The following NCAM2 variants were observed in gnomAD, a reference collection of about 807,000 sequenced individuals.
The protein encoded by NCAM2 is neural cell adhesion molecule 2, also known as N-CAM-2.
Under a neutral mutation model 98.1 loss-of-function variants are expected in NCAM2, and 30 were observed. The observed-to-expected ratio is 0.31, with a 90% confidence interval of 0.23 to 0.41. NCAM2 has a LOEUF of 0.41. Among genes scored for constraint, NCAM2 ranks in the 10% least tolerant of loss-of-function variants. The pLI is 1.00. For missense variants in NCAM2, 867 were observed against 1,005.8 expected (o/e 0.86, Z 1.87); for synonymous variants, 368 against 342.4 (o/e 1.07, Z -0.83).
At chr21:21,138,072 C>T (rs1251627873) in intron 1 of NCAM2, among the ~76,000 whole-genome samples, 1 of 152,094 alleles carries the variant, frequency 6.6e-6, no homozygotes, top group East Asian at 1.9e-4. Flanking sequence ...GTCTTTTGTC[C>T]TACCTTTTGT....
chr21:21,416,969 G>A (rs148848450), intron 10 of NCAM2, among the ~76,000 whole-genome samples: 41 of 151,984 alleles, frequency 2.7e-4, no homozygotes, highest in African/African-American at 8.9e-4. Flanking sequence ...CATGATAAAA[G>A]GTTGCTTATT....
intron 7 of NCAM2, among the ~76,000 whole-genome samples, chr21:21,336,040 A>G (rs1477000149): frequency 6.6e-6 from 1 of 152,336 alleles, no homozygotes; most frequent in East Asian, 1.9e-4. Flanking sequence ...ATTTAAAAAC[A>G]TTGACATGTA....
intron 1 of NCAM2, among the ~76,000 whole-genome samples, chr21:21,177,038 A>G (rs1477643801): frequency 1.3e-5 from 2 of 152,156 alleles, no homozygotes; most frequent in Non-Finnish European, 2.9e-5. Flanking sequence ...TATTGGATCA[A>G]CTATACTTAA....
intron 5 of NCAM2, among the ~76,000 whole-genome samples, chr21:21,303,642 G>A (rs546164142): frequency 6.6e-6 from 1 of 151,996 alleles, no homozygotes; most frequent in Non-Finnish European, 1.5e-5. Context: ...GTAATGGCTG[G>A]ATCACATGCC....
intron 1 of NCAM2, among the ~76,000 whole-genome samples, chr21:21,111,410 A>G (rs1275569330): frequency 6.6e-6 from 1 of 152,184 alleles, no homozygotes; most frequent in African/African-American, 2.4e-5. Context: ...GGCAGAAGTG[A>G]TATCAGGCTA....
At chr21:21,059,040 A>T (rs2065270238) in intron 1 of NCAM2, among the ~76,000 whole-genome samples, 1 of 152,082 alleles carries the variant, frequency 6.6e-6, no homozygotes, top group African/African-American at 2.4e-5. Flanking sequence ...TATGAAATAG[A>T]CATTTTTCTT....
intron 1 of NCAM2, among the ~76,000 whole-genome samples, chr21:21,275,176 C>T (rs1183087541): frequency 6.6e-6 from 1 of 151,978 alleles, no homozygotes; most frequent in East Asian, 1.9e-4. Flanking sequence ...CGCGGTGGCT[C>T]ACGCCTGTAA....
At chr21:21,042,404 A>C (rs969655912) in intron 1 of NCAM2, among the ~76,000 whole-genome samples, 2 of 152,040 alleles carry the variant, frequency 1.3e-5, no homozygotes, top group Non-Finnish European at 2.9e-5. Flanking sequence ...GGCTGGTCTC[A>C]AACTCCTGAC....
At chr21:21,466,337 C>T (rs2250251) in intron 12 of NCAM2, among the ~76,000 whole-genome samples, 80,069 of 151,684 alleles carry the variant, frequency 0.53, 22,047 homozygotes, top group African/African-American at 0.59. Flanking sequence ...TAACTTTCTA[C>T]TTTGAGAATG....
chr21:21,504,826 A>G (rs1311813679), intron 15 of NCAM2, among the ~76,000 whole-genome samples: 1 of 151,820 alleles, frequency 6.6e-6, no homozygotes, highest in South Asian at 2.1e-4. Context: ...GTACATTTGT[A>G]TATTTGTGGG....
intron 1 of NCAM2, among the ~76,000 whole-genome samples, chr21:21,225,365 G>A (rs2070340046): frequency 6.6e-5 from 10 of 151,974 alleles, no homozygotes; most frequent in Admixed American, 6.6e-4. Context: ...GTTTATCCAT[G>A]TAACAAACCT....
chr21:21,061,171 A>C (rs938129892), intron 1 of NCAM2, among the ~76,000 whole-genome samples: 1 of 152,190 alleles, frequency 6.6e-6, no homozygotes, highest in Admixed American at 6.5e-5. Context: ...AATAGCATCA[A>C]TCCACATCAT....
intron 1 of NCAM2, among the ~76,000 whole-genome samples, chr21:21,211,554 A>G (rs951308210): frequency 2.6e-5 from 4 of 152,352 alleles, no homozygotes; most frequent in South Asian, 2.1e-4. Context: ...ACAGAAAATA[A>G]CTAGGCTAAG....
At chr21:21,381,750 G>A (rs189589822) in intron 9 of NCAM2, among the ~76,000 whole-genome samples, 62 of 152,040 alleles carry the variant, frequency 4.1e-4, no homozygotes, top group Middle Eastern at 6.8e-3. Context: ...AAGTAGTTAC[G>A]CATATTTTAA....
intron 1 of NCAM2, among the ~76,000 whole-genome samples, chr21:21,125,279 C>T (rs2066765170): frequency 1.5e-5 from 2 of 137,822 alleles, no homozygotes. Context: ...TCAACTGTAT[C>T]ATACCCCTGA....
At chr21:21,061,477 G>T (rs1219098517) in intron 1 of NCAM2, among the ~76,000 whole-genome samples, 1 of 151,990 alleles carries the variant, frequency 6.6e-6, no homozygotes, top group East Asian at 1.9e-4. Flanking sequence ...TCTTATCTAG[G>T]TTTAAGTTGA....
Position 21,477,425 on chromosome 21 carries a change from G to T in NCAM2, c.2031G>T (p.Pro677=). The T allele has an allele frequency of 6.2e-7, 1 of 1,608,112 alleles. No homozygotes were observed. The highest frequency in any genetic ancestry group is 8.5e-7 in the Non-Finnish European group (1 of 1,176,088). Residue 677 remains proline, a synonymous_variant, in exon 15 of 18, where the codon CCG becomes CCT. Transcript: ENST00000400546. Reference sequence around the variant, plus strand: ...CCAATAGATTGGGATATTCTGAACCGACAGTTTATGAATTCAGCATGCCAC... The same window carrying T: ...CCAATAGATTGGGATATTCTGAACCTACAGTTTATGAATTCAGCATGCCAC... ...TAANRLGYSE[P]TVYEFSMPPK... is the part of the protein sequence containing the mutation.
intron 9 of NCAM2, among the ~76,000 whole-genome samples, chr21:21,395,350 A>G (rs982335721): frequency 7.2e-5 from 11 of 152,186 alleles, no homozygotes; most frequent in African/African-American, 2.7e-4. Context: ...TCAAAGAAAA[A>G]AAAAGAAAAA....
chr21:21,269,143 T>C (rs2147414486), intron 1 of NCAM2, among the ~76,000 whole-genome samples: 1 of 152,314 alleles, frequency 6.6e-6, no homozygotes, highest in East Asian at 1.9e-4. Flanking sequence ...TTCCCTATCT[T>C]TATGAATACT....
Sources: allele counts gnomAD v4.1 joint callset (sites outside exome capture counted in the v4.1 genomes callset), GRCh38; gene constraint gnomAD v4.1.1; transcripts MANE v1.5; gene names NCBI Gene and HGNC (gene_info 2026-07-23, HGNC 2026-07-21).